The following ZNF507 variants were observed in gnomAD, a reference collection of about 807,000 sequenced individuals.
ZNF507 encodes zinc finger protein 507.
In ZNF507, 29 loss-of-function variants were observed where a neutral mutation model predicts 80.0. That is an observed-to-expected ratio of 0.36 (90% CI 0.27 to 0.49). The LOEUF (loss-of-function observed/expected upper bound fraction) is 0.49. Ranked by LOEUF, ZNF507 falls within the 20% of genes least tolerant of loss-of-function variation. The probability of loss-of-function intolerance (pLI) is 0.98; values close to 1 mark genes in which losing one functional copy is unlikely to be tolerated. For missense variants in ZNF507, 1,081 were observed against 1,152.2 expected, an observed-to-expected ratio of 0.94 and a Z score of 0.90; for synonymous variants, 462 against 422.5, an observed-to-expected ratio of 1.09 and a Z score of -1.15.
chr19:32,366,737 G>A (rs2145330918), intron 5 of ZNF507, among the ~76,000 whole-genome samples: 1 of 152,328 alleles, frequency 6.6e-6, no homozygotes, highest in South Asian at 2.1e-4. Context: ...ACCTAGGGGT[G>A]GAATTTCTTG....
chr19:32,352,995 G>A lies in ZNF507; in HGVS notation c.165G>A (p.Val55=). 2 of 1,614,012 alleles carry A rather than the reference G, an allele frequency of 1.2e-6. No homozygotes were observed. Among genetic ancestry groups the A allele is most frequent in the East Asian group, 2.2e-5 (1 of 44,884 alleles). ...IHVIQKLSKI[V]ENEKSQKCLL... is the part of the protein sequence containing the mutation. ...TTATCCAGAAGTTAAGCAAGATAGT[G>A]GAAAATGAAAAGTCACAAAAATGTC... is the stretch of plus-strand genomic sequence containing the variant. The change falls in exon 3 of 7, where the codon GTG becomes GTA. Residue 55 remains valine (V), a synonymous_variant. Transcript: ENST00000355898.
intron 5 of ZNF507, among the ~76,000 whole-genome samples, chr19:32,362,681 A>C (rs1204981031): frequency 6.6e-6 from 1 of 152,208 alleles, no homozygotes; most frequent in Non-Finnish European, 1.5e-5. Context: ...TTGTGTTCTT[A>C]AAATATTCAC....
At position 32,354,912 on chromosome 19, in the gene ZNF507, A is replaced by G. The variant is rs149044496; in HGVS notation, c.2082A>G (p.Thr694=). ...GTCACATGATCCACCACTGTAAGACAAGAATATACCAGTGCAAGCAGTGTG... is the reference window on the plus strand; with the variant it reads ...GTCACATGATCCACCACTGTAAGACGAGAATATACCAGTGCAAGCAGTGTG... The part of the protein sequence containing the change: ...LESHMIHHCK[T]RIYQCKQCEE... Residue 694 remains threonine, a synonymous_variant, in exon 3 of 7, where the codon ACA becomes ACG. Transcript: ENST00000355898. The G allele has an allele frequency of 1.9e-6, 3 of 1,613,812 alleles. No homozygotes were observed. In the African/African-American group the frequency reaches 4.0e-5, roughly 22 times the overall value.
chr19:32,374,608 A>C (rs534362642), intron 5 of ZNF507, among the ~76,000 whole-genome samples: 27 of 151,562 alleles, frequency 1.8e-4, no homozygotes, highest in Non-Finnish European at 3.1e-4. Context: ...CAGCCTCCTG[A>C]GTAGCTGGGA....
At chr19:32,370,715 T>G (rs1233319607) in intron 5 of ZNF507, among the ~76,000 whole-genome samples, 1 of 152,378 alleles carries the variant, frequency 6.6e-6, no homozygotes, top group Admixed American at 6.5e-5. Flanking sequence ...TTTTCTTTGC[T>G]GTGCAGAAGT....
chr19:32,352,987 A>C lies in ZNF507; in HGVS notation c.157A>C (p.Lys53Gln). 1 of 1,614,060 alleles carries C rather than the reference A, an allele frequency of 6.2e-7. No individual in the cohort carries two copies. The highest frequency in any genetic ancestry group is 8.5e-7 in the Non-Finnish European group (1 of 1,179,998). The part of the protein sequence containing the change: ...PLIHVIQKLS[K>Q]IVENEKSQKC... ...AATCCATGTTATCCAGAAGTTAAGC[A>C]AGATAGTGGAAAATGAAAAGTCACA... Residue 53 changes from lysine (K) to glutamine (Q), a missense_variant, in exon 3 of 7, where the codon AAG becomes CAG. Lys to Gln is a moderately conservative substitution (Grantham distance 53). Transcript: ENST00000355898.
At chr19:32,373,991 C>CT (rs1234486397) in intron 5 of ZNF507, among the ~76,000 whole-genome samples, 1 of 152,220 alleles carries the variant, frequency 6.6e-6, no homozygotes, top group Non-Finnish European at 1.5e-5. Context: ...TGATGCATCT[C>CT]TGTTTACATA....
rs186439963 is a variant in ZNF507, at chr19:32,346,129, T to C, written c.-97+346T>C. Among the ~76,000 whole-genome samples, 171 of 152,326 alleles carry C rather than the reference T, an allele frequency of 1.1e-3. 1 individual carries two copies. The highest frequency in any genetic ancestry group is 4.0e-3 in the African/African-American group (165 of 41,584). On this transcript the variant is annotated intron_variant, in intron 1 of 6. Coordinates refer to ENST00000355898, the MANE Select transcript of ZNF507 (RefSeq NM_001136156.2). ...AGCCGGGATGGACCCAGCCACGATG[T>C]TCTCACAGCATCTTTTGATTAATTT... is the stretch of plus-strand genomic sequence containing the variant.
chr19:32,360,817 G>A (rs1197082813), intron 5 of ZNF507, among the ~76,000 whole-genome samples, 199 bp downstream of exon 5: 1 of 152,050 alleles, frequency 6.6e-6, no homozygotes, highest in Non-Finnish European at 1.5e-5. Flanking sequence ...TATTGCCCAG[G>A]CTGGAGTGCA....
chr19:32,360,482 A>G (rs1167479899), intron 4 of ZNF507, 22 bp from the exon 5 acceptor site: 1 of 1,416,254 alleles, frequency 7.1e-7, no homozygotes, highest in African/African-American at 1.5e-5. Context: ...CTGCTACTAA[A>G]ACTCTGAAAT....
chr19:32,367,251 G>C (rs1967410964), intron 5 of ZNF507, among the ~76,000 whole-genome samples: 2 of 152,132 alleles, frequency 1.3e-5, no homozygotes, highest in African/African-American at 4.8e-5. Flanking sequence ...TTCATGAATG[G>C]CTACACCAAG....
At chr19:32,355,017 CT>C in intron 3 of ZNF507, 60 bp downstream of exon 3, 1 of 1,434,814 alleles carries the variant, frequency 7.0e-7, no homozygotes, top group Non-Finnish European at 9.3e-7. Context: ...GAGAAGGGAA[CT>C]TTGTAGATCT....
Position 32,354,560 on chromosome 19 carries a change from G to A in ZNF507, c.1730G>A (p.Gly577Glu). Residue 577 changes from glycine (G) to glutamate (E), a missense_variant, in exon 3 of 7, where the codon GGG (glycine) becomes GAG (glutamate). Around this residue, in one of 6 missense-constraint regions of ZNF507, gnomAD observed 614 missense variants for 583.9 expected, o/e 1.05. Transcript: ENST00000355898. ...GAGGGTAGGCAGGAATTGTCAGATG[G>A]GCAGGTTAAGACAGGCATCAGCATG... ...LPEGRQELSDGQVKTGISMSL... is the reference protein window; with the variant it reads ...LPEGRQELSDEQVKTGISMSL... 6.2e-7 allele frequency: 1 copy of A among 1,614,096 alleles called. No homozygotes were observed. Among genetic ancestry groups the A allele is most frequent in the Non-Finnish European group, 8.5e-7 (1 of 1,180,028 alleles).
chr19:32,349,223 C>T (rs1301925250), intron 2 of ZNF507, among the ~76,000 whole-genome samples: 2 of 152,210 alleles, frequency 1.3e-5, no homozygotes, highest in Non-Finnish European at 2.9e-5. Context: ...TCCCTCTGAT[C>T]TGTCATGGTT....
At chr19:32,358,373 G>T (rs1050790104) in intron 4 of ZNF507, 1 of 152,196 alleles carries the variant, frequency 6.6e-6, no homozygotes, top group African/African-American at 2.4e-5. Context: ...GTGCCTCTGT[G>T]ATCCTCAGTC....
At chr19:32,371,471 T>G (rs1042854776) in intron 5 of ZNF507, among the ~76,000 whole-genome samples, 1 of 67,804 alleles carries the variant, frequency 1.5e-5, no homozygotes, top group Non-Finnish European at 2.8e-5. Context: ...AAAGCGAAAC[T>G]CCCATCTCAA....
rs752069679 is a variant in ZNF507, at chr19:32,383,759, T to G, written c.*676T>G. Reference sequence around the variant, plus strand: ...TATTGTCTTAAATTTACGATGAATTTCTTGTGAGCAGAGGACGAAACAGGT... The same window carrying G: ...TATTGTCTTAAATTTACGATGAATTGCTTGTGAGCAGAGGACGAAACAGGT... On this transcript the variant is annotated 3_prime_UTR_variant, in exon 7 of 7. Transcript: ENST00000355898. 4.6e-5 allele frequency: 7 copies of G among 152,224 alleles called. No individual in the cohort carries two copies. Among genetic ancestry groups the G allele is most frequent in the Admixed American group, 2.6e-4 (4 of 15,278 alleles). The allele number at this position is 152,224 out of a possible 1,614,324, so 9.4% of individuals were successfully genotyped here.
Position 32,354,102 on chromosome 19 carries a change from G to C in ZNF507, c.1272G>C (p.Lys424Asn). ...FLMNTEMEEG[K>N]DLSLTEAQIG... is the part of the protein sequence containing the mutation. ...TGAACACTGAAATGGAAGAAGGGAA[G>C]GACCTGAGCCTGACAGAAGCTCAGA... Residue 424 changes from lysine to asparagine, a missense_variant, in exon 3 of 7, where the codon AAG becomes AAC. Around this residue, in one of 6 missense-constraint regions of ZNF507, gnomAD observed 614 missense variants for 583.9 expected, o/e 1.05. Transcript: ENST00000355898. 6.2e-7 allele frequency: 1 copy of C among 1,613,746 alleles called. No homozygotes were observed. The highest frequency in any genetic ancestry group is 1.1e-5 in the South Asian group (1 of 91,084).
At position 32,354,625 on chromosome 19, in the gene ZNF507, G is replaced by T. The variant is rs1262659557; in HGVS notation, c.1795G>T (p.Asp599Tyr). The change falls in exon 3 of 7, where the codon GAC becomes TAC. Residue 599 changes from aspartate (D) to tyrosine (Y), a missense_variant. Physicochemically the swap from Asp to Tyr is radical, Grantham distance 160. Around this residue, in one of 6 missense-constraint regions of ZNF507, gnomAD observed 614 missense variants for 583.9 expected, o/e 1.05. Transcript: ENST00000355898. ...TVIEKLRERTDQNASDDDILK... is the reference protein window; with the variant it reads ...TVIEKLRERTYQNASDDDILK... ...CATTGAAAAATTGAGAGAAAGGACA[G>T]ACCAAAACGCTTCAGACGATGACAT... 1 of 1,614,182 alleles carries T rather than the reference G, an allele frequency of 6.2e-7. No individual in the cohort carries two copies.
Sources: gnomAD v4.1 joint callset for allele counts (sites outside exome capture counted in the v4.1 genomes callset) on GRCh38, gnomAD v4.1.1 for gene constraint, gnomAD v4.1.1 regional missense constraint, MANE v1.5 for transcripts, NCBI Gene and HGNC (gene_info 2026-07-23, HGNC 2026-07-21) for gene names.